Variants in EYA1 observed in about 807,000 individuals in gnomAD.
EYA1 encodes the protein protein phosphatase EYA1.
Under a neutral mutation model 82.0 loss-of-function variants are expected in EYA1, and 16 were observed. The ratio of observed to expected loss-of-function variants is 0.20; its 90% CI spans 0.13 to 0.30. The LOEUF is 0.30. Ranked by LOEUF, EYA1 falls within the 10% of genes least tolerant of loss-of-function variation. The pLI is 1.00. For missense variants in EYA1, 633 were observed against 730.7 expected, an observed-to-expected ratio of 0.87 and a Z score of 1.54; for synonymous variants, 261 against 264.4, an observed-to-expected ratio of 0.99 and a Z score of 0.12.
chr8:71,485,028 G>T (rs1466394756), intron 2 of EYA1, among the ~76,000 whole-genome samples: 1 of 152,236 alleles, frequency 6.6e-6, no homozygotes, highest in Non-Finnish European at 1.5e-5. Flanking sequence ...TTATTCATAA[G>T]CAGGACTAGA....
chr8:71,233,805 AC>A (rs1350666612), intron 12 of EYA1, among the ~76,000 whole-genome samples: 9 of 152,196 alleles, frequency 5.9e-5, no homozygotes, highest in African/African-American at 2.2e-4. Flanking sequence ...TTAAAAGTTA[AC>A]TTTTCTAAAT....
chr8:71,352,342 C>T (rs1472382927), intron 3 of EYA1, among the ~76,000 whole-genome samples: 3 of 152,130 alleles, frequency 2.0e-5, no homozygotes, highest in African/African-American at 7.2e-5. Context: ...TTAATAAAAA[C>T]CTAGAACTTT....
At chr8:71,262,562 C>G (rs576591916) in intron 11 of EYA1, among the ~76,000 whole-genome samples, 1 of 152,292 alleles carries the variant, frequency 6.6e-6, no homozygotes, top group Admixed American at 6.5e-5. Context: ...GGCCACAGAG[C>G]AAGGGAGGTC....
At position 71,299,621 on chromosome 8, in the gene EYA1, C is replaced by T; in HGVS notation, c.639+17G>A. On this transcript the variant is annotated intron_variant, in intron 8 of 17. Coordinates refer to ENST00000340726, the MANE Select transcript of EYA1 (RefSeq NM_000503.6). ...TTAAAGATATTTTTCAGAAGTTAAA[C>T]TGGCTTTTTAAATTACCTGCTGTGA... The T allele has an allele frequency of 7.0e-7, 1 of 1,429,044 alleles. No individual in the cohort carries two copies. Among genetic ancestry groups the T allele is most frequent in the Non-Finnish European group, 9.9e-7 (1 of 1,012,686 alleles). 88.5% of individuals were successfully genotyped at this position (1,429,044 alleles called of 1,614,324 possible).
intron 7 of EYA1, among the ~76,000 whole-genome samples, chr8:71,308,043 A>C (rs1445480320): frequency 2.0e-5 from 3 of 152,224 alleles, no homozygotes; most frequent in Non-Finnish European, 4.4e-5. Context: ...TCATCATGTG[A>C]GATGGCTGAG....
chr8:71,220,622 A>G (rs551082283), intron 12 of EYA1, among the ~76,000 whole-genome samples: 91 of 152,376 alleles, frequency 6.0e-4, no homozygotes, highest in Middle Eastern at 3.4e-3. Context: ...TACAACAGAC[A>G]AAAGTCCTTA....
chr8:71,295,583 A>G (rs1012260808), intron 9 of EYA1, among the ~76,000 whole-genome samples: 1 of 152,230 alleles, frequency 6.6e-6, no homozygotes, highest in Admixed American at 6.5e-5. Context: ...TGGCAAGAAT[A>G]TGGAGCAACA....
At chr8:71,461,209 G>T (rs566348706) in intron 2 of EYA1, among the ~76,000 whole-genome samples, 1 of 152,168 alleles carries the variant, frequency 6.6e-6, no homozygotes, top group Non-Finnish European at 1.5e-5. Context: ...ATTTTGCTTA[G>T]GCTGCTGGGC....
intron 9 of EYA1, among the ~76,000 whole-genome samples, chr8:71,273,166 G>A (rs1816748566): frequency 6.6e-6 from 1 of 152,146 alleles, no homozygotes. Flanking sequence ...AACCTAAATA[G>A]ATTCCTATTA....
At position 71,390,038 on chromosome 8, in the gene EYA1, T is replaced by G. The variant is rs188035322; in HGVS notation, c.34-33527A>C. 6.1e-3 allele frequency among the ~76,000 whole-genome samples: 934 copies of G among 152,344 alleles called. 9 individuals are homozygous for G. Among genetic ancestry groups the G allele is most frequent in the South Asian group, 0.03 (147 of 4,830 alleles). On this transcript the variant is annotated intron_variant, in intron 2 of 18. Transcript: ENST00000643681. ...TCTTTTGCATTTAGTAATACATGTATTTTTTCTCCTTTAAGATTTGGAGGT... is the reference window on the plus strand; with the variant it reads ...TCTTTTGCATTTAGTAATACATGTAGTTTTTCTCCTTTAAGATTTGGAGGT...
intron 2 of EYA1, among the ~76,000 whole-genome samples, chr8:71,382,743 G>A (rs1016351067): frequency 5.9e-5 from 9 of 152,138 alleles, no homozygotes; most frequent in Non-Finnish European, 1.2e-4. Context: ...TGATTTGGCA[G>A]TCTACACTTT....
chr8:71,383,433 T>C (rs554233793), intron 2 of EYA1, among the ~76,000 whole-genome samples: 1 of 151,820 alleles, frequency 6.6e-6, no homozygotes, highest in South Asian at 2.1e-4. Context: ...ATTAAAGGAG[T>C]TTTTTTAAAA....
intron 11 of EYA1, among the ~76,000 whole-genome samples, chr8:71,262,087 C>T (rs774819707): frequency 2.6e-5 from 4 of 152,178 alleles, no homozygotes; most frequent in Non-Finnish European, 5.9e-5. Context: ...GGGTCAATTA[C>T]AAGACTGGTG....
At chr8:71,472,835 A>ATATATT (rs549712054) in intron 2 of EYA1, among the ~76,000 whole-genome samples, 2,505 of 144,684 alleles carry the variant, frequency 0.017, 51 homozygotes, top group African/African-American at 0.06. Context: ...GTATATGCAT[A>ATATATT]TATATTTATA....
Position 71,271,631 on chromosome 8 carries a change from T to C in EYA1, c.966+127A>G, listed in dbSNP as rs1816543705. The stretch of plus-strand genomic sequence containing the variant: ...AATATTACTTTATCTATTGTTAATA[T>C]AAAAAAGAAAGCAGTAACAAAAGCA... On this transcript the variant is annotated intron_variant, in intron 10 of 17. Coordinates refer to ENST00000340726, the MANE Select transcript of EYA1 (RefSeq NM_000503.6). The C allele has an allele frequency of 4.1e-6, 4 of 985,774 alleles. No homozygotes were observed. In the Admixed American group the frequency reaches 7.0e-5, roughly 17 times the overall value. 61.1% of individuals were successfully genotyped at this position (985,774 alleles called of 1,614,324 possible).
intron 9 of EYA1, among the ~76,000 whole-genome samples, chr8:71,297,932 A>G (rs1819768189): frequency 6.6e-6 from 1 of 152,230 alleles, no homozygotes; most frequent in Non-Finnish European, 1.5e-5. Flanking sequence ...TGCAGCAGAA[A>G]TAATGAGCAT....
upstream of EYA1, among the ~76,000 whole-genome samples, chr8:71,362,845 A>G (rs569996801): frequency 5.9e-5 from 9 of 152,332 alleles, no homozygotes; most frequent in Non-Finnish European, 1.2e-4. Context: ...ACACTCACCT[A>G]AAGAGCTGAG....
At chr8:71,302,043 A>T (rs1820257591) in intron 7 of EYA1, among the ~76,000 whole-genome samples, 1 of 152,216 alleles carries the variant, frequency 6.6e-6, no homozygotes, top group Non-Finnish European at 1.5e-5. Context: ...ATGCCTTGTA[A>T]AAGAAATTTT....
At chr8:71,378,559 T>C (rs1026250560) in intron 2 of EYA1, among the ~76,000 whole-genome samples, 9 of 152,152 alleles carry the variant, frequency 5.9e-5, no homozygotes, top group African/African-American at 1.4e-4. Context: ...CCCAGGAATA[T>C]ACAGTAACAA....
Sources: gnomAD v4.1 joint callset for allele counts (sites outside exome capture counted in the v4.1 genomes callset) on GRCh38, gnomAD v4.1.1 for gene constraint, MANE v1.5 for transcripts, NCBI Gene and HGNC (gene_info 2026-07-23, HGNC 2026-07-21) for gene names.